TP53BP1: variants seen among roughly 807,000 people sequenced by gnomAD.
The protein encoded by TP53BP1 is tumor protein p53 binding protein 1.
In TP53BP1, 61 loss-of-function variants were observed where a neutral mutation model predicts 200.8. The observed-to-expected ratio is 0.30, with a 90% CI of 0.25 to 0.38. TP53BP1 has a LOEUF of 0.38. Ranked by LOEUF, TP53BP1 falls within the 10% of genes least tolerant of loss-of-function variation. The pLI, the probability that TP53BP1 is intolerant of heterozygous loss-of-function variation, is 1.00. For missense variants in TP53BP1, 2,144 were observed against 2,371.9 expected (o/e 0.90, Z 2.00); for synonymous variants, 822 against 844.3 (o/e 0.97, Z 0.46).
chr15:43,411,573 T>C (rs925682726), intron 24 of TP53BP1, among the ~76,000 whole-genome samples: 3 of 152,252 alleles, frequency 2.0e-5, no homozygotes, highest in Non-Finnish European at 4.4e-5. Context: ...TTCCGCCTTC[T>C]TGAGATTGAG....
At chr15:43,427,928 G>T in intron 18 of TP53BP1, 88 bp downstream of exon 18, 1 of 930,648 alleles carries the variant, frequency 1.1e-6, no homozygotes, top group Non-Finnish European at 1.6e-6. Context: ...CTGCATTCCA[G>T]CCTAGGTAAC....
chr15:43,504,893 A>G (rs1366220550), intron 1 of TP53BP1, among the ~76,000 whole-genome samples: 1 of 151,848 alleles, frequency 6.6e-6, no homozygotes, highest in East Asian at 1.9e-4. Context: ...GTTGGTGCAC[A>G]CCTGCAATCC....
intron 18 of TP53BP1, among the ~76,000 whole-genome samples, chr15:43,426,453 A>AAAAC (rs1305529185): frequency 3.8e-4 from 58 of 151,540 alleles, no homozygotes; most frequent in African/African-American, 1.2e-3. Context: ...AAAAAAAAAA[A>AAAAC]AAAAAAAGGA....
At chr15:43,416,493 G>A in intron 21 of TP53BP1, 77 bp from the exon 22 acceptor site, 5 of 1,415,100 alleles carry the variant, frequency 3.5e-6, no homozygotes, top group Non-Finnish European at 2.9e-6. Flanking sequence ...GCTCTGTAAA[G>A]CAGGCCTGAG....
At chr15:43,495,311 A>G (rs2079175281), upstream of TP53BP1, among the ~76,000 whole-genome samples, 1 of 150,648 alleles carries the variant, frequency 6.6e-6, no homozygotes, top group African/African-American at 2.5e-5. Flanking sequence ...CATCCTGGCT[A>G]AGATAGTGAA....
At chr15:43,435,840 C>G (rs370515168) in intron 16 of TP53BP1, among the ~76,000 whole-genome samples, 1 of 151,934 alleles carries the variant, frequency 6.6e-6, no homozygotes, top group African/African-American at 2.4e-5. Context: ...AGACTACAAG[C>G]GTGGACGACC....
intron 1 of TP53BP1, among the ~76,000 whole-genome samples, chr15:43,499,787 T>G (rs1043819019): frequency 6.6e-6 from 1 of 152,230 alleles, no homozygotes; most frequent in Non-Finnish European, 1.5e-5. Flanking sequence ...AGGTACCATT[T>G]TGGCTCCATG....
At chr15:43,440,463 G>A (rs1054522346) in intron 15 of TP53BP1, among the ~76,000 whole-genome samples, 16 of 151,412 alleles carry the variant, frequency 1.1e-4, no homozygotes, top group African/African-American at 2.2e-4. Flanking sequence ...TGCAGTGAGC[G>A]GAGATCGTGC....
chr15:43,489,503 G>C (rs1829742391), intron 4 of TP53BP1, among the ~76,000 whole-genome samples: 1 of 152,150 alleles, frequency 6.6e-6, no homozygotes, highest in Admixed American at 6.5e-5. Context: ...GAAGCAGCTG[G>C]GTGTAAGAAC....
intron 3 of TP53BP1, 86 bp from the exon 4 acceptor site, chr15:43,491,839 A>C (rs991884827): frequency 5.8e-6 from 7 of 1,203,396 alleles, no homozygotes; most frequent in Non-Finnish European, 6.2e-6. Flanking sequence ...ATACCAATCT[A>C]ATCAGTGACA....
rs775791626 is a variant in TP53BP1 at position 43,413,192 on chromosome 15, G to A, written c.5232C>T (p.Ala1744=). 6 of 1,614,058 alleles carry A rather than the reference G, an allele frequency of 3.7e-6. No homozygotes were observed. Among genetic ancestry groups the A allele is most frequent in the Non-Finnish European group, 5.1e-6 (6 of 1,180,050 alleles). ...FLGYAFLLTM[A]TTSDKLASRS... ...GGCTGGCCAACTTGTCACTGGTTGTGGCCATGGTAAGGAGAAATGCGTAGC... is the reference window on the plus strand; with the variant it reads ...GGCTGGCCAACTTGTCACTGGTTGTAGCCATGGTAAGGAGAAATGCGTAGC... The change falls in exon 24 of 28, where the codon GCC becomes GCT. Residue 1744 remains alanine (A), a synonymous_variant. Coordinates refer to ENST00000382044, the MANE Select transcript of TP53BP1 (RefSeq NM_001141980.3).
Position 43,404,293 on chromosome 15 carries a change from A to G in TP53BP1, c.*3090T>C. 8.2e-6 allele frequency: 10 copies of G among 1,221,664 alleles called. No homozygotes were observed. The South Asian group carries it at 1.5e-4, about 19-fold the overall frequency. 75.7% of individuals were successfully genotyped at this position (1,221,664 alleles called of 1,614,324 possible). On this transcript the variant is annotated 3_prime_UTR_variant, in exon 28 of 28. Transcript: ENST00000382044. ...ATAGAAATAGGAATGTGGGAAGGCC[A>G]GGTGGTTCTGTAGAATTTTGAACAA...
chr15:43,447,205 A>G (rs552100504), intron 13 of TP53BP1, 161 bp downstream of exon 13: 2 of 662,430 alleles, frequency 3.0e-6, no homozygotes, highest in African/African-American at 3.7e-5. Flanking sequence ...CTCATCTCCT[A>G]GTAGTAAAAT....
exon 1 of TP53BP1, chr15:43,510,613 T>G (rs770863168): frequency 1.1e-4 from 25 of 235,862 alleles, no homozygotes; most frequent in Non-Finnish European, 1.7e-4. Context: ...ATGGCTCCCC[T>G]CAGTTCGGGC....
chr15:43,439,771 C>T (rs1023011754), intron 15 of TP53BP1, among the ~76,000 whole-genome samples: 2 of 152,186 alleles, frequency 1.3e-5, no homozygotes, highest in Admixed American at 6.5e-5. Flanking sequence ...CTTATTTTCT[C>T]CTCTCTACTT....
chr15:43,459,238 G>A (rs1014730361), intron 11 of TP53BP1, among the ~76,000 whole-genome samples: 1 of 152,120 alleles, frequency 6.6e-6, no homozygotes, highest in Non-Finnish European at 1.5e-5. Context: ...CCCAGAGGCT[G>A]AGGCACGAGA....
chr15:43,420,985 C>G (rs1430837697), intron 20 of TP53BP1, 40 bp downstream of exon 20: 4 of 1,584,274 alleles, frequency 2.5e-6, no homozygotes, highest in Non-Finnish European at 3.4e-6. Flanking sequence ...CCCTTGTTTT[C>G]TGAACAACAG....
At chr15:43,421,219 T>C in intron 19 of TP53BP1, 45 bp from the exon 20 acceptor site, 1 of 1,601,678 alleles carries the variant, frequency 6.2e-7, no homozygotes, top group Non-Finnish European at 8.5e-7. Flanking sequence ...TGCTACTGAA[T>C]CTTTTCTTCA....
chr15:43,437,624 T>A (rs1412284955), intron 16 of TP53BP1, among the ~76,000 whole-genome samples: 1 of 152,108 alleles, frequency 6.6e-6, no homozygotes, highest in Non-Finnish European at 1.5e-5. Flanking sequence ...CAAAATAAAT[T>A]AATAAATACA....
Sources: gnomAD v4.1 joint callset for allele counts (sites outside exome capture counted in the v4.1 genomes callset) on GRCh38, gnomAD v4.1.1 for gene constraint, MANE v1.5 for transcripts, NCBI Gene and HGNC (gene_info 2026-07-23, HGNC 2026-07-21) for gene names.